BCAS3: variants seen among roughly 807,000 people sequenced by gnomAD.
BCAS3 encodes the protein BCAS3 microtubule associated cell migration factor.
BCAS3 carries 53 observed loss-of-function variants against 116.1 expected under a neutral mutation model. The observed-to-expected ratio is 0.46, with a 90% CI of 0.37 to 0.57. BCAS3 has a LOEUF of 0.57. Among genes scored for constraint, BCAS3 ranks in the 20% least tolerant of loss-of-function variants. BCAS3 has a pLI of 0.00. For missense variants in BCAS3, 917 were observed against 1,165.4 expected (o/e 0.79, Z 3.10); for synonymous variants, 391 against 408.2 (o/e 0.96, Z 0.51).
rs2060170185 is a variant in BCAS3, at chr17:61,392,190, T to C, written c.*65T>C. ...TGCTGGAGGAGGGGAGAAGCCCCGC[T>C]CTGGTCCTACCCTTCAGTCTCTGCT... On this transcript the variant is annotated 3_prime_UTR_variant, in exon 24 of 24. Transcript: ENST00000407086. The surrounding 1 kb of genome is among the most constrained non-coding windows in gnomAD (Gnocchi z 6.4). 28 of 1,551,472 alleles carry C rather than the reference T, an allele frequency of 1.8e-5. No homozygotes were observed. The South Asian group carries it at 1.9e-4, about 10-fold the overall frequency.
At chr17:60,774,256 A>AT (rs1334838765) in intron 6 of BCAS3, among the ~76,000 whole-genome samples, 4 of 151,340 alleles carry the variant, frequency 2.6e-5, no homozygotes, top group African/African-American at 7.3e-5. Context: ...CATCCAGTGT[A>AT]TTTTTTTCTC....
chr17:61,035,226 G>A (rs2066924295), intron 17 of BCAS3, among the ~76,000 whole-genome samples: 3 of 152,106 alleles, frequency 2.0e-5, no homozygotes, highest in African/African-American at 7.2e-5. Flanking sequence ...TGGAATCAGA[G>A]TTTGAAACCA....
intron 3 of BCAS3, among the ~76,000 whole-genome samples, chr17:60,684,624 T>C (rs910638516): frequency 2.6e-5 from 4 of 152,086 alleles, no homozygotes; most frequent in African/African-American, 7.2e-5. Flanking sequence ...AAAGTAATAA[T>C]TTCCTCTCTC....
rs2058247234 is a variant in BCAS3 at position 61,357,967 on chromosome 17, A to C, written c.2426-10360A>C. 2.0e-5 allele frequency among the ~76,000 whole-genome samples: 3 copies of C among 151,994 alleles called. No homozygotes were observed. In the South Asian group the frequency reaches 6.2e-4, roughly 32 times the overall value. ...GCTGGGCATGGTGGCACATGCCTGT[A>C]ATCCCAGCTCCTTGGGATGCTAAGG... On this transcript the variant is annotated intron_variant, in intron 22 of 23. Coordinates refer to ENST00000407086, the MANE Select transcript of BCAS3 (RefSeq NM_017679.5).
At chr17:60,896,288 C>A (rs577059604) in intron 10 of BCAS3, among the ~76,000 whole-genome samples, 1 of 152,288 alleles carries the variant, frequency 6.6e-6, no homozygotes, top group East Asian at 1.9e-4. Context: ...TCACTGCACT[C>A]CAGCCTAGGT....
At chr17:60,955,351 G>C (rs1013550616) in intron 14 of BCAS3, among the ~76,000 whole-genome samples, 2 of 149,670 alleles carry the variant, frequency 1.3e-5, no homozygotes, top group African/African-American at 5.0e-5. Context: ...GATTGTCCCA[G>C]TAACTAGCTA....
At chr17:60,936,619 G>A (rs376159949) in intron 13 of BCAS3, among the ~76,000 whole-genome samples, 1 of 151,570 alleles carries the variant, frequency 6.6e-6, no homozygotes, top group Non-Finnish European at 1.5e-5. Context: ...GTGATGATGA[G>A]CATTTTTTCA....
chr17:60,970,042 G>A (rs1273629883), intron 14 of BCAS3, among the ~76,000 whole-genome samples: 1 of 152,186 alleles, frequency 6.6e-6, no homozygotes, highest in Non-Finnish European at 1.5e-5. Context: ...AGGAAATAGT[G>A]AAGAATATGG....
chr17:60,774,290 C>A (rs1170709801), intron 6 of BCAS3, among the ~76,000 whole-genome samples: 3 of 152,102 alleles, frequency 2.0e-5, no homozygotes, highest in African/African-American at 7.2e-5. Context: ...TTTTCACTTA[C>A]AATTTGCGTG....
rs1006321234 is a variant in BCAS3 at position 61,126,410 on chromosome 17, C to T, written c.2425+41846C>T. Among the ~76,000 whole-genome samples the T allele has an allele frequency of 1.3e-5, 2 of 152,120 alleles. No individual in the cohort carries two copies. Among genetic ancestry groups the T allele is most frequent in the African/African-American group, 2.4e-5 (1 of 41,432 alleles). On this transcript the variant is annotated intron_variant, in intron 22 of 23. Coordinates refer to ENST00000407086, the MANE Select transcript of BCAS3 (RefSeq NM_017679.5). This position sits in a 1 kb window ranked among gnomAD's most constrained non-coding sequence, Gnocchi z 4.6. ...CATGTTATCGCACGTGAACCACTGC[C>T]TATGTTAAATAGGTTTTTCTTTCCT... is the stretch of plus-strand genomic sequence containing the variant.
Position 61,392,028 on chromosome 17 carries a change from C to T in BCAS3, c.2645C>T (p.Thr882Ile). 1 of 1,613,904 alleles carries T rather than the reference C, an allele frequency of 6.2e-7. No homozygotes were observed. The highest frequency in any genetic ancestry group is 2.2e-5 in the East Asian group (1 of 44,870). The part of the protein sequence containing the change: ...IETLSNSSGS[T>I]SGSIPRNFDG... ...ACTCTGAGTAACAGCTCAGGCTCCA[C>T]CAGCGGCAGCATACCAAGAAACTTT... is the stretch of plus-strand genomic sequence containing the variant. Residue 882 changes from threonine (T) to isoleucine (I), a missense_variant, in exon 24 of 24, where the codon ACC (threonine) becomes ATC (isoleucine). Transcript: ENST00000407086. This position sits in a 1 kb window ranked among gnomAD's most constrained non-coding sequence, Gnocchi z 6.4.
chr17:60,916,887 G>T (rs1390432359), intron 12 of BCAS3, among the ~76,000 whole-genome samples: 5 of 152,122 alleles, frequency 3.3e-5, no homozygotes, highest in African/African-American at 1.2e-4. Context: ...ATGAGCAATG[G>T]ATTTGAATAA....
At chr17:60,724,082 TTTACTC>T (rs1345786961) in intron 5 of BCAS3, among the ~76,000 whole-genome samples, 2 of 151,990 alleles carry the variant, frequency 1.3e-5, no homozygotes, top group African/African-American at 4.8e-5. Context: ...TTTTTTATCT[TTTACTC>T]TATTATTATT....
At chr17:60,738,131 CCTAT>C (rs1226785279) in intron 5 of BCAS3, among the ~76,000 whole-genome samples, 2 of 152,064 alleles carry the variant, frequency 1.3e-5, no homozygotes, top group Non-Finnish European at 2.9e-5. Flanking sequence ...CAGAAGATGC[CCTAT>C]CTTAGTGAAT....
rs2082006260 is a variant in BCAS3, at chr17:61,219,803, G to C, written c.2425+135239G>C. ...TCTTATTTGGGCTGAGCAGTACTAG[G>C]ACTTGAATTCCAGAGATGAGATTGT... On this transcript the variant is annotated intron_variant, in intron 22 of 23. Coordinates refer to ENST00000407086, the MANE Select transcript of BCAS3 (RefSeq NM_017679.5). The surrounding 1 kb of genome is among the most constrained non-coding windows in gnomAD (Gnocchi z 5.2). 6.6e-6 allele frequency among the ~76,000 whole-genome samples: 1 copy of C among 152,116 alleles called. No homozygotes were observed. The highest frequency in any genetic ancestry group is 2.1e-4 in the South Asian group (1 of 4,828).
chr17:60,990,347 T>A lies in BCAS3; in HGVS notation c.1486+112T>A, dbSNP rs2145433499. 8.7e-7 allele frequency: 1 copy of A among 1,148,744 alleles called. No individual in the cohort carries two copies. The highest frequency in any genetic ancestry group is 1.2e-6 in the Non-Finnish European group (1 of 823,488). The allele number at this position is 1,148,744 out of a possible 1,614,324, so 71.2% of individuals were successfully genotyped here. ...ATAGTCTGTTCATGTAAAAAGAAGA[T>A]CTTAGGCTTATATGAAATTCTTAAT... On this transcript the variant is annotated intron_variant, in intron 15 of 23. Coordinates refer to ENST00000407086, the MANE Select transcript of BCAS3 (RefSeq NM_017679.5). The surrounding 1 kb of genome is among the most constrained non-coding windows in gnomAD (Gnocchi z 5.1).
At chr17:61,245,988 C>G (rs1440698494) in intron 22 of BCAS3, among the ~76,000 whole-genome samples, 1 of 152,128 alleles carries the variant, frequency 6.6e-6, no homozygotes, top group African/African-American at 2.4e-5. Context: ...GCTGTGAGAG[C>G]TCAGGTGATC....
intron 22 of BCAS3, among the ~76,000 whole-genome samples, chr17:61,246,935 A>C (rs1360156349): frequency 1.3e-5 from 2 of 152,016 alleles, no homozygotes; most frequent in African/African-American, 4.8e-5. Context: ...TTTTTCATAT[A>C]GTTTCTGGTG....
At position 61,126,919 on chromosome 17, in the gene BCAS3, T is replaced by C. The variant is rs946306520; in HGVS notation, c.2425+42355T>C. ...AACAAGAATACAAAATGTGTTAAGATTTCTTTCTGGGTTATTTTTCCAAGC... is the reference window on the plus strand; with the variant it reads ...AACAAGAATACAAAATGTGTTAAGACTTCTTTCTGGGTTATTTTTCCAAGC... On this transcript the variant is annotated intron_variant, in intron 22 of 23. Transcript: ENST00000407086. This position sits in a 1 kb window ranked among gnomAD's most constrained non-coding sequence, Gnocchi z 4.6. Among the ~76,000 whole-genome samples the C allele has an allele frequency of 6.6e-6, 1 of 152,150 alleles. No individual in the cohort carries two copies. Among genetic ancestry groups the C allele is most frequent in the Non-Finnish European group, 1.5e-5 (1 of 67,998 alleles).
Sources: allele counts gnomAD v4.1 joint callset (sites outside exome capture counted in the v4.1 genomes callset), GRCh38; gene constraint gnomAD v4.1.1; non-coding constraint Gnocchi (gnomAD v3.1); transcripts MANE v1.5; gene names NCBI Gene and HGNC (gene_info 2026-07-23, HGNC 2026-07-21).